GNAI1: variants seen among roughly 807,000 people sequenced by gnomAD.
GNAI1 encodes the protein G protein subunit alpha i1.
GNAI1 carries 11 observed loss-of-function variants against 38.9 expected under a neutral mutation model. The observed-to-expected ratio is 0.28, with a 90% CI of 0.18 to 0.47. The LOEUF is 0.47. Among genes scored for constraint, GNAI1 ranks in the 20% least tolerant of loss-of-function variants. The probability of loss-of-function intolerance (pLI) is 0.99; values close to 1 mark genes in which losing one functional copy is unlikely to be tolerated. For missense variants in GNAI1, 317 were observed against 436.9 expected (o/e 0.73, Z 2.45); for synonymous variants, 166 against 145.1 (o/e 1.14, Z -1.04).
Position 80,218,934 on chromosome 7 carries a change from T to G in GNAI1, c.*1441T>G, listed in dbSNP as rs1413323772. ...AACAGCACTCCCCACCCCACCCTCC[T>G]TTTTTTACTCATCTTGGAAAAGGTT... is the stretch of plus-strand genomic sequence containing the variant. On this transcript the variant is annotated 3_prime_UTR_variant, in exon 8 of 8. Coordinates refer to ENST00000649796, the MANE Select transcript of GNAI1 (RefSeq NM_002069.6). The G allele has an allele frequency of 1.3e-5, 2 of 152,222 alleles. No individual in the cohort carries two copies. The highest frequency in any genetic ancestry group is 1.3e-4 in the Admixed American group (2 of 15,234). 9.4% of individuals were successfully genotyped at this position (152,222 alleles called of 1,614,324 possible).
At chr7:80,203,853 T>C in intron 5 of GNAI1, 21 bp downstream of exon 5, 1 of 1,376,924 alleles carries the variant, frequency 7.3e-7, no homozygotes, top group Admixed American at 2.1e-5. Flanking sequence ...TTGAAATATA[T>C]GATTTCTAAA....
rs1789126387 is a variant in GNAI1, at chr7:80,224,401, C to T, written c.*6908C>T. Among the ~76,000 whole-genome samples the T allele has an allele frequency of 6.6e-6, 1 of 151,854 alleles. No individual in the cohort carries two copies. Among genetic ancestry groups the T allele is most frequent in the African/African-American group, 2.4e-5 (1 of 41,322 alleles). On this transcript the variant is annotated 3_prime_UTR_variant, in exon 8 of 8. Transcript: ENST00000649796. ...ATCTAGAGTTAAGACCTTTGTTAGCCATATCTTCAAAATCCAGTGTCATTT... is the reference window on the plus strand; with the variant it reads ...ATCTAGAGTTAAGACCTTTGTTAGCTATATCTTCAAAATCCAGTGTCATTT...
At chr7:80,167,061 A>T (rs1187302062) in intron 1 of GNAI1, among the ~76,000 whole-genome samples, 1 of 152,170 alleles carries the variant, frequency 6.6e-6, no homozygotes, top group Non-Finnish European at 1.5e-5. Context: ...ATTTCCTGGT[A>T]GTGTTTAAGA....
chr7:80,143,994 T>C (rs1787575042), intron 1 of GNAI1, among the ~76,000 whole-genome samples: 1 of 151,936 alleles, frequency 6.6e-6, no homozygotes. Context: ...CTTCAAGAAG[T>C]ATAAATTCAG....
intron 1 of GNAI1, among the ~76,000 whole-genome samples, chr7:80,153,451 A>C (rs375881235): frequency 1.3e-5 from 2 of 152,204 alleles, no homozygotes; most frequent in African/African-American, 4.8e-5. Context: ...CAATTCCACA[A>C]GTTAACTTGG....
At chr7:80,204,744 C>T (rs1788744234) in intron 5 of GNAI1, among the ~76,000 whole-genome samples, 3 of 152,008 alleles carry the variant, frequency 2.0e-5, no homozygotes, top group Admixed American at 1.3e-4. Context: ...TAAGTCTGTA[C>T]TGTTATTCAT....
intron 1 of GNAI1, among the ~76,000 whole-genome samples, chr7:80,155,210 T>TTG (rs1362214284): frequency 6.6e-6 from 1 of 152,152 alleles, no homozygotes; most frequent in African/African-American, 2.4e-5. Context: ...TATAATCTCC[T>TTG]TACATGAAGG....
At chr7:80,157,256 TAA>T (rs886191402) in intron 1 of GNAI1, among the ~76,000 whole-genome samples, 1 of 152,196 alleles carries the variant, frequency 6.6e-6, no homozygotes, top group African/African-American at 2.4e-5. Flanking sequence ...AATATGCACT[TAA>T]GTTTCCTCTA....
chr7:80,217,199 T>TGTATGAAACTGACTTCAGTTTCATAG, intron 7 of GNAI1, 104 bp from the exon 8 acceptor site: 4 of 575,042 alleles, frequency 7.0e-6, no homozygotes, highest in Non-Finnish European at 1.1e-5. Flanking sequence ...TGAATGAAAC[T>TGTATGAAACTGACTTCAGTTTCATAG]GTATGAAACT....
At chr7:80,190,902 CAT>C (rs1443734508) in intron 3 of GNAI1, among the ~76,000 whole-genome samples, 3 of 150,080 alleles carry the variant, frequency 2.0e-5, no homozygotes, top group African/African-American at 7.3e-5. Flanking sequence ...TTTTTTTAAA[CAT>C]AACTTGGGCG....
chr7:80,155,999 C>T (rs1405934301), intron 1 of GNAI1, among the ~76,000 whole-genome samples: 1 of 144,980 alleles, frequency 6.9e-6, no homozygotes, highest in Non-Finnish European at 1.5e-5. Flanking sequence ...GCCGAGATCA[C>T]ACCACTGCAC....
chr7:80,199,101 G>A (rs984299677), intron 3 of GNAI1, 124 bp from the exon 4 acceptor site: 5 of 624,606 alleles, frequency 8.0e-6, no homozygotes, highest in East Asian at 2.8e-5. Context: ...AAGTAATGAC[G>A]TGTTAATAAA....
chr7:80,135,563 G>C (rs1385168918), intron 1 of GNAI1: 1 of 368,162 alleles, frequency 2.7e-6, no homozygotes, highest in Non-Finnish European at 4.8e-6. Flanking sequence ...AGTCCGAGGC[G>C]GCGGGTCGCG....
intron 3 of GNAI1, 51 bp from the exon 4 acceptor site, chr7:80,199,174 T>A: frequency 7.4e-7 from 1 of 1,344,640 alleles, no homozygotes; most frequent in Non-Finnish European, 1.0e-6. Flanking sequence ...TTTGTACTTT[T>A]TATCTCTGAC....
intron 1 of GNAI1, among the ~76,000 whole-genome samples, chr7:80,178,457 CATT>C (rs1788231747): frequency 6.6e-6 from 1 of 152,116 alleles, no homozygotes; most frequent in Admixed American, 6.5e-5. Flanking sequence ...CAGCAGACTT[CATT>C]ATTGTATTTT....
chr7:80,152,648 A>G (rs760565936), intron 1 of GNAI1, among the ~76,000 whole-genome samples: 2 of 149,356 alleles, frequency 1.3e-5, no homozygotes, highest in Non-Finnish European at 3.0e-5. Context: ...TCAACCTCCA[A>G]CTTCCGGGTT....
In GNAI1 at chr7:80,226,121, A is replaced by G. The variant is rs57209885; in HGVS notation, c.*8628A>G. 0.036 allele frequency among the ~76,000 whole-genome samples: 5,544 copies of G among 152,260 alleles called. 345 individuals are homozygous for G. The highest frequency in any genetic ancestry group is 0.13 in the African/African-American group (5,342 of 41,522). On this transcript the variant is annotated 3_prime_UTR_variant, in exon 8 of 8. Coordinates refer to ENST00000649796, the MANE Select transcript of GNAI1 (RefSeq NM_002069.6). ...AAGAAAAAAAAAGACTAGATTTTAT[A>G]TCAACTTAATTGTCTTTTGGTTTAA...
rs144302695 is a variant in GNAI1, at chr7:80,168,210, A to G, written c.119-20741A>G. 4.4e-3 allele frequency among the ~76,000 whole-genome samples: 665 copies of G among 152,142 alleles called. 5 individuals carry two copies. Among genetic ancestry groups the G allele is most frequent in the African/African-American group, 0.015 (627 of 41,504 alleles). ...ATGGCATTTGACAGGTGCTCTAGAAATCTCTAGTCATGTACTTAACCCTCT... is the reference window on the plus strand; with the variant it reads ...ATGGCATTTGACAGGTGCTCTAGAAGTCTCTAGTCATGTACTTAACCCTCT... On this transcript the variant is annotated intron_variant, in intron 1 of 7. Transcript: ENST00000649796.
intron 1 of GNAI1, among the ~76,000 whole-genome samples, chr7:80,177,122 C>A (rs574383940): frequency 2.7e-5 from 4 of 148,840 alleles, no homozygotes; most frequent in Non-Finnish European, 5.9e-5. Context: ...GCTCCGCCTC[C>A]CGGGTTCATG....
Sources: allele counts gnomAD v4.1 joint callset (sites outside exome capture counted in the v4.1 genomes callset), GRCh38; gene constraint gnomAD v4.1.1; transcripts MANE v1.5; gene names NCBI Gene and HGNC (gene_info 2026-07-23, HGNC 2026-07-21).